Variants in BACH2 observed in about 807,000 individuals in gnomAD.
The protein encoded by BACH2 is transcription regulator protein BACH2.
In BACH2, 5 loss-of-function variants were observed where a neutral mutation model predicts 61.8. The observed-to-expected ratio is 0.08, with a 90% CI of 0.04 to 0.17. BACH2 has a LOEUF of 0.17. Among genes scored for constraint, BACH2 ranks in the 10% least tolerant of loss-of-function variants. The probability of loss-of-function intolerance (pLI) is 1.00; values close to 1 mark genes in which losing one functional copy is unlikely to be tolerated. For synonymous variants in BACH2, 446 were observed against 440.1 expected (o/e 1.01, Z -0.17); for missense variants, 824 against 1,091.1 (o/e 0.76, Z 3.45).
chr6:90,128,905 C>A lies in BACH2; in HGVS notation c.-161-39796G>T, dbSNP rs529555315. Reference sequence around the variant, plus strand: ...CCATAAAAAATGATGAGTTCATGTCCTTTGTGGGGACATGAATGAAGCTGG... The same window carrying A: ...CCATAAAAAATGATGAGTTCATGTCATTTGTGGGGACATGAATGAAGCTGG... On this transcript the variant is annotated intron_variant, in intron 4 of 8. Coordinates refer to ENST00000257749, the MANE Select transcript of BACH2 (RefSeq NM_021813.4). 2.2e-4 allele frequency among the ~76,000 whole-genome samples: 33 copies of A among 152,192 alleles called. No homozygotes were observed. The South Asian group carries it at 6.8e-3, about 32-fold the overall frequency.
intron 6 of BACH2, among the ~76,000 whole-genome samples, chr6:89,990,893 G>A (rs1776510104): frequency 6.6e-6 from 1 of 152,354 alleles, no homozygotes; most frequent in Non-Finnish European, 1.5e-5. Context: ...AGTGCACACA[G>A]TAGATGCTCA....
At chr6:90,215,380 G>A (rs1005713021) in intron 3 of BACH2, among the ~76,000 whole-genome samples, 8 of 152,256 alleles carry the variant, frequency 5.3e-5, no homozygotes, top group African/African-American at 1.9e-4. Flanking sequence ...CAATTCCTGT[G>A]TGAGTATAGA....
intron 4 of BACH2, among the ~76,000 whole-genome samples, chr6:90,141,275 G>T (rs1038599559): frequency 6.6e-6 from 1 of 152,104 alleles, no homozygotes; most frequent in Non-Finnish European, 1.5e-5. Flanking sequence ...CCACCTCCTG[G>T]GTTCAGGCGA....
In BACH2 at chr6:89,934,022, A is replaced by G. The variant is rs1055786634; in HGVS notation, c.2044-1132T>C. On this transcript the variant is annotated intron_variant, in intron 8 of 8. Transcript: ENST00000257749. ...AAAGTTTATTAAAAAAAAAGACAAA[A>G]AAAAAGTCATCAACAATTTCCTGTC... is the stretch of plus-strand genomic sequence containing the variant. Among the ~76,000 whole-genome samples the G allele has an allele frequency of 1.4e-4, 21 of 152,158 alleles. No homozygotes were observed. In the South Asian group the frequency reaches 4.4e-3, roughly 32 times the overall value.
intron 3 of BACH2, among the ~76,000 whole-genome samples, chr6:90,252,082 G>A (rs796209610): frequency 2.6e-5 from 4 of 152,278 alleles, no homozygotes; most frequent in African/African-American, 9.6e-5. Flanking sequence ...GCACTATGTT[G>A]TAACAAAACT....
intron 5 of BACH2, among the ~76,000 whole-genome samples, chr6:90,030,904 A>T (rs573263302): frequency 6.7e-6 from 1 of 148,850 alleles, no homozygotes; most frequent in Non-Finnish European, 1.5e-5. Context: ...ACAACAAAAA[A>T]AGAGAATTTT....
intron 7 of BACH2, among the ~76,000 whole-genome samples, chr6:89,940,865 T>G (rs77742926): frequency 3.9e-5 from 6 of 151,900 alleles, no homozygotes; most frequent in African/African-American, 9.7e-5. Context: ...TTTTTTTTTT[T>G]TGTGCTAAAC....
chr6:89,932,967 A>G, intron 8 of BACH2, 77 bp from the exon 9 acceptor site: 1 of 1,466,758 alleles, frequency 6.8e-7, no homozygotes, highest in Non-Finnish European at 9.1e-7. Flanking sequence ...CAGGTTTTCC[A>G]GCCTTTGTTT....
At chr6:90,025,190 T>C (rs1249900667) in intron 5 of BACH2, among the ~76,000 whole-genome samples, 2 of 152,136 alleles carry the variant, frequency 1.3e-5, no homozygotes, top group Non-Finnish European at 2.9e-5. Context: ...GGTGGGGCAG[T>C]GGGTGTGTGG....
chr6:89,932,307 T>C lies in BACH2; in HGVS notation c.*101A>G. The C allele has an allele frequency of 1.4e-6, 2 of 1,450,982 alleles. No individual in the cohort carries two copies. Among genetic ancestry groups the C allele is most frequent in the East Asian group, 4.6e-5 (2 of 43,686 alleles). The allele number at this position is 1,450,982 out of a possible 1,614,324, so 89.9% of individuals were successfully genotyped here. A position where few individuals can be genotyped will look rare whatever the true frequency, so the allele number is the denominator to read the frequency against. On this transcript the variant is annotated 3_prime_UTR_variant, in exon 9 of 9. Coordinates refer to ENST00000257749, the MANE Select transcript of BACH2 (RefSeq NM_021813.4). Reference sequence around the variant, plus strand: ...AGACCGCTGTAGTGTGCACCAAATGTGTTCTCGGTTTCTTCGGGACAGCAG... The same window carrying C: ...AGACCGCTGTAGTGTGCACCAAATGCGTTCTCGGTTTCTTCGGGACAGCAG...
At chr6:90,187,027 A>G (rs1029753516) in intron 4 of BACH2, among the ~76,000 whole-genome samples, 3 of 152,244 alleles carry the variant, frequency 2.0e-5, no homozygotes, top group Non-Finnish European at 2.9e-5. Flanking sequence ...TTGCATATAC[A>G]TAATTGGTCT....
chr6:90,093,481 G>T (rs2127808994), intron 4 of BACH2, among the ~76,000 whole-genome samples: 1 of 152,258 alleles, frequency 6.6e-6, no homozygotes, highest in African/African-American at 2.4e-5. Flanking sequence ...GTCCAATATG[G>T]CAGCCACATG....
intron 3 of BACH2, among the ~76,000 whole-genome samples, chr6:90,237,496 G>T (rs1770298719): frequency 6.6e-6 from 1 of 152,060 alleles, no homozygotes; most frequent in Non-Finnish European, 1.5e-5. Context: ...AGAATTCCAT[G>T]AACCCTGCCA....
At chr6:90,051,866 A>G (rs1024824041) in intron 5 of BACH2, among the ~76,000 whole-genome samples, 2 of 152,328 alleles carry the variant, frequency 1.3e-5, no homozygotes, top group Middle Eastern at 3.4e-3. Context: ...CTTTTACTGT[A>G]TCCCACAAGT....
chr6:90,117,673 G>T (rs1017291343), intron 4 of BACH2, among the ~76,000 whole-genome samples: 5 of 152,104 alleles, frequency 3.3e-5, no homozygotes, highest in African/African-American at 1.2e-4. Context: ...ATGGAATTAT[G>T]AACAAAGGAA....
chr6:89,980,983 A>G (rs1311588146), intron 6 of BACH2, among the ~76,000 whole-genome samples: 1 of 152,082 alleles, frequency 6.6e-6, no homozygotes, highest in Non-Finnish European at 1.5e-5. Flanking sequence ...TTTGAATTAA[A>G]GTTTAAAGAT....
At chr6:90,166,286 C>G (rs1283037692) in intron 4 of BACH2, among the ~76,000 whole-genome samples, 1 of 151,928 alleles carries the variant, frequency 6.6e-6, no homozygotes, top group Non-Finnish European at 1.5e-5. Flanking sequence ...TTTATGCAGC[C>G]AAAAGACACA....
intron 4 of BACH2, among the ~76,000 whole-genome samples, chr6:90,104,766 C>T (rs1782825326): frequency 6.6e-6 from 1 of 152,140 alleles, no homozygotes; most frequent in African/African-American, 2.4e-5. Flanking sequence ...GTATCTTGGA[C>T]ATGTGGGCTG....
At chr6:90,031,982 A>G (rs1314349684) in intron 5 of BACH2, among the ~76,000 whole-genome samples, 2 of 152,244 alleles carry the variant, frequency 1.3e-5, no homozygotes, top group Non-Finnish European at 2.9e-5. Context: ...TAACCAAAAC[A>G]GCATGGTACT....
Sources: allele counts gnomAD v4.1 joint callset (sites outside exome capture counted in the v4.1 genomes callset), GRCh38; gene constraint gnomAD v4.1.1; transcripts MANE v1.5; gene names NCBI Gene and HGNC (gene_info 2026-07-23, HGNC 2026-07-21).